The following UTRN variants were observed in gnomAD, a reference collection of about 807,000 sequenced individuals.
UTRN encodes the protein dystrophin-related protein 1.
UTRN carries 283 observed loss-of-function variants against 463.9 expected under a neutral mutation model. The observed-to-expected ratio is 0.61, with a 90% CI of 0.55 to 0.67. The LOEUF is 0.67. Among genes scored for constraint, UTRN ranks in the 30% least tolerant of loss-of-function variants. UTRN has a pLI of 0.00. For missense variants in UTRN, 3,922 were observed against 4,084.3 expected (o/e 0.96, Z 1.08); for synonymous variants, 1,442 against 1,431.5 (o/e 1.01, Z -0.17).
rs746871751 is a variant in UTRN at position 144,451,453 on chromosome 6, T to C, written c.2156T>C (p.Met719Thr). Residue 719 changes from methionine (M) to threonine (T), a missense_variant, in exon 18 of 75, where the codon ATG becomes ACG. Met to Thr is a moderately conservative substitution (Grantham distance 81). This residue lies in a region of UTRN where 2,349 missense variants were observed against 2,303.8 expected (regional missense o/e 1.02). Transcript: ENST00000367545. Reference protein sequence around the residue: ...AIQTTEIKEYMKMQDTSEMKK... With the variant: ...AIQTTEIKEYTKMQDTSEMKK... ...CAGACCACAGAGATAAAAGAGTATA[T>C]GAAGATGCAAGACACTTCCGAAATG... 3 of 1,612,822 alleles carry C rather than the reference T, an allele frequency of 1.9e-6. No individual in the cohort carries two copies. Among genetic ancestry groups the C allele is most frequent in the South Asian group, 2.2e-5 (2 of 91,028 alleles).
At chr6:144,586,360 G>C (rs913520640) in intron 51 of UTRN, among the ~76,000 whole-genome samples, 2 of 152,032 alleles carry the variant, frequency 1.3e-5, no homozygotes, top group East Asian at 1.9e-4. Flanking sequence ...AAGCAAAAAC[G>C]TAAGTGCTGC....
At chr6:144,713,875 G>A (rs1408371622) in intron 53 of UTRN, among the ~76,000 whole-genome samples, 7 of 146,284 alleles carry the variant, frequency 4.8e-5, no homozygotes, top group African/African-American at 7.7e-5. Flanking sequence ...AGCCGAGATC[G>A]CGCCATTGCA....
chr6:144,346,313 G>T (rs1562274448), intron 2 of UTRN, among the ~76,000 whole-genome samples: 1 of 152,034 alleles, frequency 6.6e-6, no homozygotes, highest in Non-Finnish European at 1.5e-5. Flanking sequence ...CAATCAAAAG[G>T]CTTTAGGAAA....
chr6:144,699,448 A>T (rs6916959), intron 52 of UTRN, among the ~76,000 whole-genome samples: 5,032 of 137,756 alleles, frequency 0.037, 282 homozygotes, highest in African/African-American at 0.12. Context: ...TCAAAAAAAA[A>T]AATAATAATA....
chr6:144,765,438 G>GGGTCTCACTCTGTTGCCC (rs1401241234), intron 58 of UTRN, among the ~76,000 whole-genome samples: 1 of 152,106 alleles, frequency 6.6e-6, no homozygotes, highest in Non-Finnish European at 1.5e-5. Context: ...TTCAGAGACA[G>GGGTCTCACTCTGTTGCCC]GGTCTCACTC....
intron 14 of UTRN, 47 bp downstream of exon 14, chr6:144,444,429 A>T: frequency 6.9e-7 from 1 of 1,446,698 alleles, no homozygotes; most frequent in African/African-American, 1.4e-5. Context: ...GTGAAAAGTA[A>T]CCCATCTTTT....
chr6:144,632,670 A>G (rs1585678958), intron 51 of UTRN, among the ~76,000 whole-genome samples: 1 of 152,124 alleles, frequency 6.6e-6, no homozygotes, highest in East Asian at 1.9e-4. Flanking sequence ...TGTTTTCACA[A>G]ATGTTAGAAA....
chr6:144,296,803 T>A (rs1381982276), intron 2 of UTRN, among the ~76,000 whole-genome samples: 1 of 152,220 alleles, frequency 6.6e-6, no homozygotes, highest in Non-Finnish European at 1.5e-5. Context: ...GGTGGGACCC[T>A]GGACTGTGAG....
At chr6:144,677,766 G>A (rs1037754893) in intron 51 of UTRN, among the ~76,000 whole-genome samples, 3 of 151,946 alleles carry the variant, frequency 2.0e-5, no homozygotes, top group African/African-American at 7.3e-5. Flanking sequence ...CCACATCCTC[G>A]CCAGCACCTG....
chr6:144,506,305 G>A (rs1358777062), intron 34 of UTRN, among the ~76,000 whole-genome samples: 2 of 152,058 alleles, frequency 1.3e-5, no homozygotes, highest in Non-Finnish European at 2.9e-5. Flanking sequence ...CTGTCATTAT[G>A]ATGTTATCTG....
At chr6:144,642,569 G>C (rs188011718) in intron 51 of UTRN, among the ~76,000 whole-genome samples, 260 of 152,274 alleles carry the variant, frequency 1.7e-3, no homozygotes, top group African/African-American at 5.8e-3. Context: ...GAGATAAAAT[G>C]TCACAAATCT....
chr6:144,515,397 C>T (rs1795526484), intron 37 of UTRN, among the ~76,000 whole-genome samples: 1 of 151,930 alleles, frequency 6.6e-6, no homozygotes, highest in Non-Finnish European at 1.5e-5. Flanking sequence ...AACTAATTCC[C>T]AAGCTAGGGA....
chr6:144,379,896 T>C (rs1243136787), intron 2 of UTRN, among the ~76,000 whole-genome samples: 1 of 152,170 alleles, frequency 6.6e-6, no homozygotes, highest in African/African-American at 2.4e-5. Flanking sequence ...ATCTAACTTG[T>C]AGAGGATCTG....
chr6:144,797,770 T>C, intron 63 of UTRN, 54 bp from the exon 64 acceptor site: 1 of 1,568,754 alleles, frequency 6.4e-7, no homozygotes, highest in South Asian at 1.2e-5. Flanking sequence ...CAACACTAGC[T>C]ACAGTTTAAA....
intron 34 of UTRN, among the ~76,000 whole-genome samples, chr6:144,501,137 G>T (rs765750823): frequency 5.9e-5 from 9 of 152,158 alleles, no homozygotes; most frequent in Non-Finnish European, 8.8e-5. Context: ...TTAGAAAAAA[G>T]CTCATGAAAA....
chr6:144,537,873 G>C (rs1797667658), intron 44 of UTRN, among the ~76,000 whole-genome samples, 156 bp downstream of exon 44: 1 of 152,200 alleles, frequency 6.6e-6, no homozygotes. Context: ...ATTTTTTAAA[G>C]AGCAGTTATA....
At chr6:144,465,509 G>T (rs1278445940) in intron 23 of UTRN, among the ~76,000 whole-genome samples, 1 of 152,178 alleles carries the variant, frequency 6.6e-6, no homozygotes, top group Admixed American at 6.5e-5. Flanking sequence ...GTAATGTCCA[G>T]TACTTTTTTT....
intron 39 of UTRN, among the ~76,000 whole-genome samples, chr6:144,521,146 C>G (rs1796054057): frequency 6.6e-6 from 1 of 152,032 alleles, no homozygotes; most frequent in African/African-American, 2.4e-5. Flanking sequence ...GTTAGCTGGG[C>G]ATGATGGTGC....
At chr6:144,464,662 G>C (rs572587617) in intron 23 of UTRN, among the ~76,000 whole-genome samples, 1 of 151,960 alleles carries the variant, frequency 6.6e-6, no homozygotes. Context: ...CACTATGCCC[G>C]GCTAAGGTTT....
Sources: allele counts gnomAD v4.1 joint callset (sites outside exome capture counted in the v4.1 genomes callset), GRCh38; gene constraint gnomAD v4.1.1; regional missense constraint gnomAD v4.1.1; transcripts MANE v1.5; gene names NCBI Gene and HGNC (gene_info 2026-07-23, HGNC 2026-07-21).